The following SATB2 variants were observed in gnomAD, a reference collection of about 807,000 sequenced individuals.
SATB2 encodes the protein DNA-binding protein SATB2.
A neutral mutation model predicts 73.4 loss-of-function variants in SATB2; 1 was observed. The observed-to-expected ratio is 0.01, with a 90% CI of 0.00 to 0.06. The LOEUF is 0.06. Among genes scored for constraint, SATB2 ranks in the 10% least tolerant of loss-of-function variants. The probability of loss-of-function intolerance (pLI) is 1.00; values close to 1 mark genes in which losing one functional copy is unlikely to be tolerated. For missense variants in SATB2, 459 were observed against 945.8 expected (o/e 0.49, Z 6.75); for synonymous variants, 397 against 367.0 (o/e 1.08, Z -0.93).
At chr2:199,338,917 TAAAAAAAAAAA>T (rs564809180) in intron 7 of SATB2, among the ~76,000 whole-genome samples, 1 of 128,076 alleles carries the variant, frequency 7.8e-6, no homozygotes, top group East Asian at 2.2e-4. Context: ...GACTCTGTCT[TAAAAAAAAAAA>T]AAAAAAAAGA....
At chr2:199,355,864 G>C in intron 6 of SATB2, among the ~76,000 whole-genome samples, 1 of 152,074 alleles carries the variant, frequency 6.6e-6, no homozygotes, top group Non-Finnish European at 1.5e-5. Flanking sequence ...AGTGGCAATA[G>C]CAATATTAAT....
intron 10 of SATB2, among the ~76,000 whole-genome samples, chr2:199,301,538 C>A (rs2105758229): frequency 6.6e-6 from 1 of 152,240 alleles, no homozygotes; most frequent in South Asian, 2.1e-4. Context: ...GCAATGCCTT[C>A]CAAATTAGGC....
intron 3 of SATB2, among the ~76,000 whole-genome samples, chr2:199,407,008 T>C (rs577710854): frequency 6.6e-6 from 1 of 152,224 alleles, no homozygotes; most frequent in South Asian, 2.1e-4. Context: ...AGGGTTCTTA[T>C]CTTATTTTAC....
chr2:199,397,956 G>T, intron 3 of SATB2: 2 of 213,428 alleles, frequency 9.4e-6, no homozygotes, highest in Non-Finnish European at 2.0e-5. Flanking sequence ...CAAGTGAAAT[G>T]GTTCCACCTT....
At chr2:199,396,792 A>G (rs980955290) in intron 3 of SATB2, 3 of 152,228 alleles carry the variant, frequency 2.0e-5, no homozygotes, top group African/African-American at 7.2e-5. Context: ...ACGGAAGGCC[A>G]TATTAGCAAT....
chr2:199,366,902 G>GCACACA lies in SATB2; in HGVS notation c.700+1697_700+1702dup, dbSNP rs71015897. 5.8e-3 allele frequency among the ~76,000 whole-genome samples: 863 copies of GCACACA among 149,758 alleles called. 4 individuals are homozygous for GCACACA. Among genetic ancestry groups the GCACACA allele is most frequent in the Middle Eastern group, 6.9e-3 (2 of 288 alleles). ...AAGATATGAGTGTTAATGTGCGAAT[G>GCACACA]CACACACACACACACACACAAACAC... On this transcript the variant is annotated intron_variant, in intron 6 of 10. Transcript: ENST00000417098.
At chr2:199,307,347 A>G (rs1156267245) in intron 10 of SATB2, among the ~76,000 whole-genome samples, 3 of 152,166 alleles carry the variant, frequency 2.0e-5, no homozygotes, top group Non-Finnish European at 4.4e-5. Flanking sequence ...TTTCAATTAA[A>G]TCTCCAAGTC....
intron 9 of SATB2, among the ~76,000 whole-genome samples, chr2:199,311,890 A>G (rs1374899641): frequency 6.6e-6 from 1 of 152,176 alleles, no homozygotes; most frequent in Non-Finnish European, 1.5e-5. Flanking sequence ...TGGCTAATGA[A>G]TGTGTGAGAA....
intron 2 of SATB2, among the ~76,000 whole-genome samples, chr2:199,439,640 T>G (rs892167092): frequency 6.6e-6 from 1 of 152,144 alleles, no homozygotes; most frequent in East Asian, 1.9e-4. Flanking sequence ...TATTGTAAAT[T>G]TACCAGAAAA....
At chr2:199,434,950 G>A (rs1459004277) in intron 2 of SATB2, among the ~76,000 whole-genome samples, 2 of 152,072 alleles carry the variant, frequency 1.3e-5, no homozygotes, top group African/African-American at 2.4e-5. Context: ...AGTATTGGGT[G>A]TAATTATTAA....
chr2:199,306,244 TTTTTCTTCAC>T lies in SATB2; in HGVS notation c.1740+2506_1740+2515del, dbSNP rs1247541438. ...GAGTTCTGCTGTCTAGTGTCAGTTA[TTTTTCTTCAC>T]TTTTCATATTATGACTGTAATAAAC... On this transcript the variant is annotated intron_variant, in intron 10 of 10. Transcript: ENST00000417098. 3.3e-5 allele frequency among the ~76,000 whole-genome samples: 5 copies of T among 152,308 alleles called. No individual in the cohort carries two copies. In the East Asian group the frequency reaches 9.6e-4, roughly 29 times the overall value.
chr2:199,352,871 A>C (rs1004383286), intron 6 of SATB2, among the ~76,000 whole-genome samples: 1 of 152,174 alleles, frequency 6.6e-6, no homozygotes, highest in Non-Finnish European at 1.5e-5. Flanking sequence ...CCATTTCAAA[A>C]TACAATAAAA....
chr2:199,326,218 T>C (rs1443803876), intron 8 of SATB2: 2 of 152,178 alleles, frequency 1.3e-5, no homozygotes, highest in African/African-American at 4.8e-5. Context: ...TAAAAGACTT[T>C]AATAAACTCT....
intron 10 of SATB2, among the ~76,000 whole-genome samples, chr2:199,303,883 C>G (rs1476471859): frequency 1.3e-5 from 2 of 152,170 alleles, no homozygotes; most frequent in Non-Finnish European, 2.9e-5. Flanking sequence ...AAGTACTTGT[C>G]AGGAAACCAC....
chr2:199,323,524 G>C (rs1465047671), intron 9 of SATB2, among the ~76,000 whole-genome samples: 1 of 135,870 alleles, frequency 7.4e-6, no homozygotes, highest in Non-Finnish European at 1.6e-5. Flanking sequence ...TAAAGGGAGA[G>C]AAACAAAAGG....
intron 3 of SATB2, among the ~76,000 whole-genome samples, chr2:199,406,118 C>T (rs1006073931): frequency 6.6e-6 from 1 of 152,074 alleles, no homozygotes; most frequent in African/African-American, 2.4e-5. Flanking sequence ...AGGTAATAGG[C>T]AAACACTATG....
chr2:199,308,858 G>A lies in SATB2; in HGVS notation c.1642C>T (p.Pro548Ser), dbSNP rs1411889903. Residue 548 changes from proline to serine, a missense_variant, in exon 10 of 11, where the codon CCC becomes TCC. Physicochemically the swap from Pro to Ser is moderately conservative, Grantham distance 74. Transcript: ENST00000417098. The surrounding 1 kb of genome is among the most constrained non-coding windows in gnomAD (Gnocchi z 4.6). ...TAGATGACATCCCTCTCATGCTGGG[G>A]AAGGTTCAGGAAGCGACGGATGGTA... ...LCTIRRFLNL[P>S]QHERDVIYEE... 1 of 1,614,042 alleles carries A rather than the reference G, an allele frequency of 6.2e-7. No homozygotes were observed. The highest frequency in any genetic ancestry group is 8.5e-7 in the Non-Finnish European group (1 of 1,179,994).
At chr2:199,351,062 C>A (rs1688804186) in intron 6 of SATB2, among the ~76,000 whole-genome samples, 1 of 146,534 alleles carries the variant, frequency 6.8e-6, no homozygotes, top group African/African-American at 2.5e-5. Flanking sequence ...AACCCGATTT[C>A]TTGCTTAACA....
At chr2:199,284,281 C>T (rs1426654717) in intron 10 of SATB2, among the ~76,000 whole-genome samples, 4 of 152,062 alleles carry the variant, frequency 2.6e-5, no homozygotes, top group African/African-American at 4.8e-5. Flanking sequence ...TTACAAAATA[C>T]AGTAAACCAG....
Sources: gnomAD v4.1 joint callset for allele counts (sites outside exome capture counted in the v4.1 genomes callset) on GRCh38, gnomAD v4.1.1 for gene constraint, Gnocchi (gnomAD v3.1) non-coding constraint, MANE v1.5 for transcripts, NCBI Gene and HGNC (gene_info 2026-07-23, HGNC 2026-07-21) for gene names.